The following ATXN2 variants were observed in gnomAD, a reference collection of about 807,000 sequenced individuals.
The protein encoded by ATXN2 is ataxin-2.
A neutral mutation model predicts 138.6 loss-of-function variants in ATXN2; 37 were observed. The ratio of observed to expected loss-of-function variants is 0.27; its 90% CI spans 0.21 to 0.35. The LOEUF is 0.35. ATXN2 is among the 10% of genes least tolerant of loss of function. The pLI is 1.00. For missense variants in ATXN2, 1,216 were observed against 1,480.3 expected, an observed-to-expected ratio of 0.82 and a Z score of 2.93; for synonymous variants, 549 against 543.7, an observed-to-expected ratio of 1.01 and a Z score of -0.13.
chr12:111,572,802 C>T (rs1473143164), intron 1 of ATXN2, among the ~76,000 whole-genome samples: 1 of 152,120 alleles, frequency 6.6e-6, no homozygotes, highest in Non-Finnish European at 1.5e-5. Flanking sequence ...TGCAGCCTAC[C>T]AACATGGACT....
chr12:111,488,913 A>G (rs1250676907), intron 14 of ATXN2, 133 bp from the exon 15 acceptor site: 1 of 774,738 alleles, frequency 1.3e-6, no homozygotes, highest in Non-Finnish European at 2.0e-6. Context: ...ATACTTTAAG[A>G]GTAATGCTTT....
intron 18 of ATXN2, among the ~76,000 whole-genome samples, chr12:111,474,498 G>A (rs1372786030): frequency 6.6e-6 from 1 of 152,150 alleles, no homozygotes; most frequent in Non-Finnish European, 1.5e-5. Flanking sequence ...ACAGTTACTT[G>A]AGAGGCTGAG....
At chr12:111,591,822 C>G (rs1298090062) in intron 1 of ATXN2, among the ~76,000 whole-genome samples, 1 of 152,090 alleles carries the variant, frequency 6.6e-6, no homozygotes, top group Non-Finnish European at 1.5e-5. Flanking sequence ...TGGCTCATGC[C>G]TATAATCCCA....
intron 6 of ATXN2, among the ~76,000 whole-genome samples, chr12:111,523,844 C>G (rs1880329725): frequency 6.6e-6 from 1 of 151,794 alleles, no homozygotes; most frequent in Non-Finnish European, 1.5e-5. Context: ...GGGTGGATTA[C>G]CTGAGCTCAG....
At chr12:111,553,427 A>G (rs1360988883) in intron 3 of ATXN2, among the ~76,000 whole-genome samples, 1 of 151,854 alleles carries the variant, frequency 6.6e-6, no homozygotes. Context: ...ATTCTCCCAA[A>G]TACTTTAAAC....
intron 1 of ATXN2, among the ~76,000 whole-genome samples, chr12:111,588,614 T>C (rs1027917981): frequency 2.0e-5 from 3 of 149,548 alleles, no homozygotes; most frequent in African/African-American, 7.4e-5. Flanking sequence ...AGAGCGAGAC[T>C]CCGTCTCGGA....
At chr12:111,517,224 G>T (rs1221581122) in intron 9 of ATXN2, among the ~76,000 whole-genome samples, 1 of 152,050 alleles carries the variant, frequency 6.6e-6, no homozygotes, top group African/African-American at 2.4e-5. Context: ...CCTCTCCATA[G>T]GGTTCCACAC....
At chr12:111,564,542 C>T (rs1229183132) in intron 1 of ATXN2, among the ~76,000 whole-genome samples, 2 of 150,402 alleles carry the variant, frequency 1.3e-5, no homozygotes, top group South Asian at 2.1e-4. Context: ...GCCTAAAATA[C>T]TTATTACCTG....
intron 14 of ATXN2, among the ~76,000 whole-genome samples, chr12:111,506,998 T>G (rs1018363037): frequency 7.2e-5 from 11 of 152,274 alleles, no homozygotes; most frequent in African/African-American, 2.6e-4. Flanking sequence ...TGCAGTGGCG[T>G]GATCTCGGCT....
At chr12:111,599,573 A>C, upstream of ATXN2, 1 of 1,131,180 alleles carries the variant, frequency 8.8e-7, no homozygotes. Flanking sequence ...GGGACTCTTT[A>C]CCGGAAGTCG....
intron 23 of ATXN2, chr12:111,455,211 C>G: frequency 2.9e-6 from 2 of 687,488 alleles, no homozygotes; most frequent in East Asian, 2.7e-5. Context: ...ACATCTAATA[C>G]AGCCAATTCA....
intron 1 of ATXN2, among the ~76,000 whole-genome samples, chr12:111,583,032 G>T (rs182333624): frequency 8.4e-6 from 1 of 118,432 alleles, no homozygotes; most frequent in Non-Finnish European, 1.7e-5. Context: ...TCGTTCTGTC[G>T]CCCAGGCTGG....
intron 18 of ATXN2, chr12:111,484,979 T>C: frequency 3.6e-6 from 1 of 274,066 alleles, no homozygotes; most frequent in Non-Finnish European, 6.9e-6. Flanking sequence ...CCTCCTGCCT[T>C]GGCCTCCCAA....
chr12:111,572,427 TGGC>T (rs1883381480), intron 1 of ATXN2, among the ~76,000 whole-genome samples: 1 of 151,878 alleles, frequency 6.6e-6, no homozygotes, highest in Non-Finnish European at 1.5e-5. Flanking sequence ...ATTTACTATC[TGGC>T]CCTTTACGAA....
chr12:111,582,460 G>A (rs1884062219), intron 1 of ATXN2, among the ~76,000 whole-genome samples: 1 of 151,116 alleles, frequency 6.6e-6, no homozygotes, highest in Non-Finnish European at 1.5e-5. Flanking sequence ...AAAAAGAACT[G>A]CAGGGTGTGA....
chr12:111,491,111 G>C (rs1469641964), intron 14 of ATXN2, among the ~76,000 whole-genome samples: 1 of 152,148 alleles, frequency 6.6e-6, no homozygotes, highest in Non-Finnish European at 1.5e-5. Context: ...AAATTAGCCA[G>C]AGGTGGTAGC....
At chr12:111,542,876 G>T (rs1465028111) in intron 5 of ATXN2, among the ~76,000 whole-genome samples, 2 of 151,938 alleles carry the variant, frequency 1.3e-5, no homozygotes, top group Non-Finnish European at 2.9e-5. Flanking sequence ...TATGCTAGAG[G>T]TTTTTATTTT....
chr12:111,456,152 A>G lies in ATXN2; in HGVS notation c.3147T>C (p.Pro1049=), dbSNP rs751968737. 4 of 1,614,114 alleles carry G rather than the reference A, an allele frequency of 2.5e-6. No homozygotes were observed. Among genetic ancestry groups the G allele is most frequent in the Admixed American group, 3.3e-5 (2 of 60,002 alleles). The part of the protein sequence containing the change: ...GLAPTPPSMT[P]ASNTQSPQNS... Reference sequence around the variant, plus strand: ...TCTGTGGCGACTGCGTGTTGGAGGCAGGTGTCATGGAGGGTGGAGTTGGCG... The same window carrying G: ...TCTGTGGCGACTGCGTGTTGGAGGCGGGTGTCATGGAGGGTGGAGTTGGCG... The change falls in exon 23 of 25, where the codon CCT becomes CCC. Residue 1049 remains proline (P), a synonymous_variant. Coordinates refer to ENST00000673436, the MANE Select transcript of ATXN2 (RefSeq NM_001372574.1).
chr12:111,473,924 G>A (rs1418540688), intron 18 of ATXN2, among the ~76,000 whole-genome samples: 1 of 152,156 alleles, frequency 6.6e-6, no homozygotes, highest in Non-Finnish European at 1.5e-5. Context: ...ATATGAACAA[G>A]ACAAAAACTA....
Sources: gnomAD v4.1 joint callset for allele counts (sites outside exome capture counted in the v4.1 genomes callset) on GRCh38, gnomAD v4.1.1 for gene constraint, MANE v1.5 for transcripts, NCBI Gene and HGNC (gene_info 2026-07-23, HGNC 2026-07-21) for gene names.